Variants in DCHS2 observed in about 807,000 individuals in gnomAD.
The protein encoded by DCHS2 is dachsous cadherin-related 2.
A neutral mutation model predicts 182.4 loss-of-function variants in DCHS2; 142 were observed. The ratio of observed to expected loss-of-function variants is 0.78; its 90% CI spans 0.68 to 0.89. The LOEUF is 0.89. Among genes scored for constraint, DCHS2 ranks in the 40% least tolerant of loss-of-function variants. DCHS2 has a pLI of 0.00. For synonymous variants in DCHS2, 1,740 were observed against 1,663.3 expected, an observed-to-expected ratio of 1.05 and a Z score of -1.12; for missense variants, 4,319 against 4,198.6, an observed-to-expected ratio of 1.03 and a Z score of -0.79.
In DCHS2 at chr4:154,271,704, C is replaced by A. The variant is rs576088350; in HGVS notation, c.6464-1691G>T. ...ATCTTTCCCAGTTGTCTATGTGTCA[C>A]CCTCTTAGGATTGCCTGCCTTGTTT... On this transcript the variant is annotated intron_variant, in intron 13 of 19. Coordinates refer to ENST00000357232, the MANE Select transcript of DCHS2 (RefSeq NM_001358235.2). Among the ~76,000 whole-genome samples, 9 of 152,244 alleles carry A rather than the reference C, an allele frequency of 5.9e-5. No homozygotes were observed. In the South Asian group the frequency reaches 1.9e-3, roughly 32 times the overall value.
At chr4:154,350,176 C>G (rs1729541459) in intron 3 of DCHS2, among the ~76,000 whole-genome samples, 1 of 152,210 alleles carries the variant, frequency 6.6e-6, no homozygotes, top group Non-Finnish European at 1.5e-5. Flanking sequence ...AGAACTGTAG[C>G]ATGAGCACAT....
chr4:154,463,463 T>G lies in DCHS2; in HGVS notation c.2052+25841A>C, dbSNP rs554790072. 3.9e-5 allele frequency among the ~76,000 whole-genome samples: 6 copies of G among 152,224 alleles called. No individual in the cohort carries two copies. In the South Asian group the frequency reaches 1.2e-3, roughly 32 times the overall value. On this transcript the variant is annotated intron_variant, in intron 1 of 19. Transcript: ENST00000357232. ...ACTAATTCATACCAAGCCTGACATATTTTTAACAAAACTAAGTAGGAGCAT... is the reference window on the plus strand; with the variant it reads ...ACTAATTCATACCAAGCCTGACATAGTTTTAACAAAACTAAGTAGGAGCAT...
intron 3 of DCHS2, among the ~76,000 whole-genome samples, chr4:154,341,724 G>C (rs941698981): frequency 6.6e-6 from 1 of 151,920 alleles, no homozygotes; most frequent in Non-Finnish European, 1.5e-5. Flanking sequence ...CAATTACTAG[G>C]CTCTAAGTAA....
intron 2 of DCHS2, among the ~76,000 whole-genome samples, chr4:154,366,654 G>GACAC (rs148346473): frequency 6.6e-6 from 1 of 150,872 alleles, no homozygotes; most frequent in Non-Finnish European, 1.5e-5. Flanking sequence ...CACACACACA[G>GACAC]ACACACACAC....
At chr4:154,390,796 A>T (rs997806306) in intron 1 of DCHS2, among the ~76,000 whole-genome samples, 3 of 152,192 alleles carry the variant, frequency 2.0e-5, no homozygotes, top group Non-Finnish European at 2.9e-5. Flanking sequence ...ATCACCAAAC[A>T]ATAATAAAAT....
intron 7 of DCHS2, chr4:154,322,882 T>C (rs1282401965): frequency 1.2e-5 from 3 of 252,410 alleles, no homozygotes; most frequent in Non-Finnish European, 2.3e-5. Context: ...ATAAATATTT[T>C]AACACAATCA....
intron 1 of DCHS2, among the ~76,000 whole-genome samples, chr4:154,400,591 T>C (rs1167456008): frequency 1.3e-5 from 2 of 152,212 alleles, no homozygotes; most frequent in African/African-American, 4.8e-5. Flanking sequence ...GAACCTACTC[T>C]GAACACCAAA....
In DCHS2 at chr4:154,234,778, C is replaced by A; in HGVS notation, c.9874G>T (p.Val3292Phe). 1 of 1,613,940 alleles carries A rather than the reference C, an allele frequency of 6.2e-7. No homozygotes were observed. Among genetic ancestry groups the A allele is most frequent in the South Asian group, 1.1e-5 (1 of 91,066 alleles). ...TAVAQPGIKA[V>F]PPRMPAVNLG... ...TTTACTGCCGGCATTCTTGGTGGGA[C>A]TGCTTTAATCCCAGGCTGGGCTACT... Residue 3292 changes from valine to phenylalanine, a missense_variant, in exon 20 of 20, where the codon GTC (valine) becomes TTC (phenylalanine). Physicochemically the swap from Val to Phe is conservative, Grantham distance 50. Transcript: ENST00000357232.
At chr4:154,473,762 T>G (rs1322786737) in intron 1 of DCHS2, among the ~76,000 whole-genome samples, 1 of 152,116 alleles carries the variant, frequency 6.6e-6, no homozygotes, top group Non-Finnish European at 1.5e-5. Flanking sequence ...CCCACTGATC[T>G]TCTTGTAAGT....
Position 154,491,760 on chromosome 4 carries a change from A to G in DCHS2, c.-405T>C. 2 of 997,178 alleles carry G rather than the reference A, an allele frequency of 2.0e-6. No individual in the cohort carries two copies. Among genetic ancestry groups the G allele is most frequent in the Non-Finnish European group, 2.4e-6 (2 of 838,292 alleles). 61.8% of individuals were successfully genotyped at this position (997,178 alleles called of 1,614,324 possible). Reference sequence around the variant, plus strand: ...GAGATTATATGAAGCGCGCACACACAAGGAGAGGATGGGGATCTGGCCGGA... The same window carrying G: ...GAGATTATATGAAGCGCGCACACACGAGGAGAGGATGGGGATCTGGCCGGA... On this transcript the variant is annotated 5_prime_UTR_variant, in exon 1 of 20. Transcript: ENST00000357232.
chr4:154,378,043 G>A (rs1423946140), intron 1 of DCHS2, among the ~76,000 whole-genome samples: 2 of 152,114 alleles, frequency 1.3e-5, no homozygotes, highest in Non-Finnish European at 2.9e-5. Context: ...GCACAGTGGT[G>A]TAGCATTCAG....
At chr4:154,342,685 G>T (rs1470142813) in intron 3 of DCHS2, among the ~76,000 whole-genome samples, 1 of 152,106 alleles carries the variant, frequency 6.6e-6, no homozygotes, top group Non-Finnish European at 1.5e-5. Context: ...CACATCTTCA[G>T]GCTCCACTTC....
rs61746132 is a variant in DCHS2, at chr4:154,235,260, G to A, written c.9392C>T (p.Pro3131Leu). 0.022 allele frequency: 35,349 copies of A among 1,613,960 alleles called. 1,488 individuals carry two copies. Among genetic ancestry groups the A allele is most frequent in the African/African-American group, 0.12 (9,228 of 74,986 alleles). ...SALSDHESRV[P>L]DSGIPRDSDQ... ...TGAGTCCCTCGGGATACCCGAGTCTGGCACCCTGGACTCGTGGTCACTCAG... is the reference window on the plus strand; with the variant it reads ...TGAGTCCCTCGGGATACCCGAGTCTAGCACCCTGGACTCGTGGTCACTCAG... The change falls in exon 20 of 20, where the codon CCA becomes CTA. Residue 3131 changes from proline (P) to leucine (L), a missense_variant. Physicochemically the swap from Pro to Leu is moderately conservative, Grantham distance 98. Coordinates refer to ENST00000357232, the MANE Select transcript of DCHS2 (RefSeq NM_001358235.2).
In DCHS2 at chr4:154,232,916, T is replaced by A. The variant is rs1021027653; in HGVS notation, c.*1620A>T. ...TTGTAATATAGCTTTATACATTTGT[T>A]CCCAATCTCAGTCAGCATAGATAGA... On this transcript the variant is annotated 3_prime_UTR_variant, in exon 20 of 20. Coordinates refer to ENST00000357232, the MANE Select transcript of DCHS2 (RefSeq NM_001358235.2). The A allele has an allele frequency of 2.6e-5, 4 of 152,228 alleles. No homozygotes were observed. The highest frequency in any genetic ancestry group is 4.4e-5 in the Non-Finnish European group (3 of 68,006). The allele number at this position is 152,228 out of a possible 1,614,324, so 9.4% of individuals were successfully genotyped here.
At chr4:154,411,585 C>G (rs573780883) in intron 1 of DCHS2, among the ~76,000 whole-genome samples, 1 of 151,674 alleles carries the variant, frequency 6.6e-6, no homozygotes, top group Non-Finnish European at 1.5e-5. Context: ...GACAGAGACT[C>G]CCTCTCAAAA....
At chr4:154,415,794 C>T (rs1258779729) in intron 1 of DCHS2, among the ~76,000 whole-genome samples, 1 of 152,040 alleles carries the variant, frequency 6.6e-6, no homozygotes, top group Admixed American at 6.6e-5. Context: ...CCAGAGGTCT[C>T]CAAAAAGTGG....
intron 3 of DCHS2, among the ~76,000 whole-genome samples, chr4:154,339,333 C>T (rs772509960): frequency 6.6e-6 from 1 of 152,138 alleles, no homozygotes; most frequent in African/African-American, 2.4e-5. Flanking sequence ...TTACGCAGTT[C>T]ACCAATTCAA....
Position 154,240,834 on chromosome 4 carries a change from C to A in DCHS2, c.7073-11G>T. On this transcript the variant is annotated splice_polypyrimidine_tract_variant and intron_variant, in intron 17 of 19. Coordinates refer to ENST00000357232, the MANE Select transcript of DCHS2 (RefSeq NM_001358235.2). ...CACCAGGCAAAGAATCTGAAATAGT[C>A]ATGACCAGTGTCAGTCTCCATTAAA... 1 of 1,612,446 alleles carries A rather than the reference C, an allele frequency of 6.2e-7. No homozygotes were observed. Among genetic ancestry groups the A allele is most frequent in the South Asian group, 1.1e-5 (1 of 91,000 alleles).
intron 1 of DCHS2, among the ~76,000 whole-genome samples, chr4:154,379,851 A>G (rs985262393): frequency 7.9e-5 from 12 of 152,152 alleles, no homozygotes; most frequent in Admixed American, 7.9e-4. Flanking sequence ...TATAACCAGA[A>G]TGTGACTTTT....
Sources: gnomAD v4.1 joint callset for allele counts (sites outside exome capture counted in the v4.1 genomes callset) on GRCh38, gnomAD v4.1.1 for gene constraint, MANE v1.5 for transcripts, NCBI Gene and HGNC (gene_info 2026-07-23, HGNC 2026-07-21) for gene names.